The following SLC35F1 variants were observed in gnomAD, a reference collection of about 807,000 sequenced individuals.
The protein encoded by SLC35F1 is solute carrier family 35 member F1, also known as chromosome 6 open reading frame 169.
SLC35F1 carries 14 observed loss-of-function variants against 48.7 expected under a neutral mutation model. That is an observed-to-expected ratio of 0.29 (90% CI 0.19 to 0.45). SLC35F1 has a LOEUF of 0.45. SLC35F1 is among the 20% of genes least tolerant of loss of function. The probability of loss-of-function intolerance (pLI) is 1.00; values close to 1 mark genes in which losing one functional copy is unlikely to be tolerated. For missense variants in SLC35F1, 404 were observed against 500.0 expected (o/e 0.81, Z 1.83); for synonymous variants, 190 against 202.2 (o/e 0.94, Z 0.51).
At chr6:118,133,051 T>C (rs535273688) in intron 1 of SLC35F1, among the ~76,000 whole-genome samples, 1 of 152,204 alleles carries the variant, frequency 6.6e-6, no homozygotes, top group Admixed American at 6.5e-5. Context: ...CATCTTGATG[T>C]GAGATGTGTC....
intron 1 of SLC35F1, among the ~76,000 whole-genome samples, chr6:118,028,143 G>T (rs967220407): frequency 6.6e-6 from 1 of 152,018 alleles, no homozygotes; most frequent in Admixed American, 6.6e-5. Context: ...ATTTTTTATT[G>T]TCTTATATAC....
intron 1 of SLC35F1, among the ~76,000 whole-genome samples, chr6:117,979,120 G>C (rs1303452428): frequency 1.3e-5 from 2 of 152,232 alleles, no homozygotes; most frequent in Admixed American, 1.3e-4. Context: ...TTATATGTTA[G>C]TAGATGCCTT....
chr6:118,179,925 G>C (rs376120507), intron 2 of SLC35F1, among the ~76,000 whole-genome samples: 3 of 152,112 alleles, frequency 2.0e-5, no homozygotes, highest in East Asian at 3.9e-4. Context: ...GAAAGGCTTG[G>C]AACGCAGCAA....
chr6:118,189,799 A>G, intron 2 of SLC35F1, among the ~76,000 whole-genome samples: 1 of 152,354 alleles, frequency 6.6e-6, no homozygotes, highest in Middle Eastern at 3.4e-3. Flanking sequence ...AAATTTATAG[A>G]CAAAAAAAGT....
intron 1 of SLC35F1, among the ~76,000 whole-genome samples, chr6:117,957,463 G>A (rs1014254236): frequency 1.3e-5 from 2 of 152,198 alleles, no homozygotes; most frequent in Admixed American, 1.3e-4. Context: ...TTGAATTTTA[G>A]ATGCGATCTT....
At chr6:118,270,940 T>C (rs1183378278) in intron 4 of SLC35F1, among the ~76,000 whole-genome samples, 1 of 152,234 alleles carries the variant, frequency 6.6e-6, no homozygotes, top group Non-Finnish European at 1.5e-5. Context: ...GAAATATCCT[T>C]CTCGCCCTTC....
intron 1 of SLC35F1, among the ~76,000 whole-genome samples, chr6:117,970,881 A>T (rs931108149): frequency 6.6e-6 from 1 of 152,174 alleles, no homozygotes; most frequent in African/African-American, 2.4e-5. Context: ...CTACAACTCA[A>T]GATTAGATTT....
intron 3 of SLC35F1, 89 bp downstream of exon 3, chr6:118,235,725 GTTACTA>G: frequency 1.5e-6 from 2 of 1,366,912 alleles, no homozygotes; most frequent in Non-Finnish European, 2.0e-6. Context: ...TATACTACAA[GTTACTA>G]TCTGTATACT....
intron 1 of SLC35F1, among the ~76,000 whole-genome samples, chr6:118,002,047 T>A (rs1043941940): frequency 4.7e-5 from 7 of 147,500 alleles, no homozygotes; most frequent in African/African-American, 1.8e-4. Flanking sequence ...GTGTGGCGAT[T>A]CCTCAGGGAT....
At chr6:118,076,882 A>G (rs994488584) in intron 1 of SLC35F1, among the ~76,000 whole-genome samples, 6 of 152,066 alleles carry the variant, frequency 3.9e-5, no homozygotes, top group Non-Finnish European at 2.9e-5. Context: ...ACGCTTTACC[A>G]TATTTATTTT....
At chr6:117,985,060 A>G (rs1776831357) in intron 1 of SLC35F1, among the ~76,000 whole-genome samples, 1 of 152,236 alleles carries the variant, frequency 6.6e-6, no homozygotes, top group South Asian at 2.1e-4. Flanking sequence ...TACAGATCAC[A>G]CTTTGATAAA....
At chr6:118,277,435 A>C in intron 5 of SLC35F1, 59 bp from the exon 6 acceptor site, 1 of 1,442,984 alleles carries the variant, frequency 6.9e-7, no homozygotes, top group Non-Finnish European at 9.7e-7. Flanking sequence ...AAAAAGAAAG[A>C]AAGAAAGTAG....
intron 1 of SLC35F1, among the ~76,000 whole-genome samples, chr6:117,977,736 G>T (rs72957867): frequency 0.028 from 4,319 of 152,018 alleles, 110 homozygotes; most frequent in Non-Finnish European, 0.043. Context: ...ATGCATTTGA[G>T]CAATTTTAAG....
chr6:118,150,343 G>A (rs574101973), intron 1 of SLC35F1, among the ~76,000 whole-genome samples: 1 of 152,274 alleles, frequency 6.6e-6, no homozygotes, highest in African/African-American at 2.4e-5. Flanking sequence ...CCAGTGACAA[G>A]GACTGTGTCT....
chr6:118,310,892 C>A (rs1189863825), intron 7 of SLC35F1, among the ~76,000 whole-genome samples: 3 of 152,108 alleles, frequency 2.0e-5, no homozygotes, highest in Non-Finnish European at 4.4e-5. Context: ...ATTACAATAG[C>A]GAGGGCATTA....
At chr6:118,235,758 ACTGCAG>A in intron 3 of SLC35F1, 122 bp downstream of exon 3, 2 of 889,698 alleles carry the variant, frequency 2.2e-6, no homozygotes, top group Non-Finnish European at 3.1e-6. Context: ...TAGTATACAG[ACTGCAG>A]TATACAGATT....
chr6:118,124,640 T>C (rs144946621), intron 1 of SLC35F1, among the ~76,000 whole-genome samples: 170 of 152,282 alleles, frequency 1.1e-3, no homozygotes, highest in African/African-American at 4.0e-3. Context: ...TTGGATAATG[T>C]CCCAGGGTGA....
At chr6:118,118,129 G>A (rs1251380709) in intron 1 of SLC35F1, among the ~76,000 whole-genome samples, 1 of 152,088 alleles carries the variant, frequency 6.6e-6, no homozygotes, top group Non-Finnish European at 1.5e-5. Context: ...CTTAGGAAAT[G>A]TATGTGTAAT....
intron 6 of SLC35F1, among the ~76,000 whole-genome samples, chr6:118,279,738 G>A (rs1289528192): frequency 6.6e-6 from 1 of 152,114 alleles, no homozygotes; most frequent in East Asian, 1.9e-4. Flanking sequence ...GAAGTCACCC[G>A]AGAGGCCAAG....
Sources: gnomAD v4.1 joint callset for allele counts (sites outside exome capture counted in the v4.1 genomes callset) on GRCh38, gnomAD v4.1.1 for gene constraint, MANE v1.5 for transcripts, NCBI Gene and HGNC (gene_info 2026-07-23, HGNC 2026-07-21) for gene names.